Variants in STAT4 observed in about 807,000 individuals in gnomAD.
STAT4 encodes the protein signal transducer and activator of transcription 4.
STAT4 carries 42 observed loss-of-function variants against 110.5 expected under a neutral mutation model. That is an observed-to-expected ratio of 0.38 (90% confidence interval 0.30 to 0.49). The LOEUF is 0.49. STAT4 is among the 20% of genes least tolerant of loss of function. The pLI is 0.95. For synonymous variants in STAT4, 284 were observed against 302.2 expected, an observed-to-expected ratio of 0.94 and a Z score of 0.63; for missense variants, 632 against 887.9, an observed-to-expected ratio of 0.71 and a Z score of 3.66.
intron 17 of STAT4, 109 bp downstream of exon 17, chr2:191,036,055 A>T: frequency 7.5e-7 from 1 of 1,336,062 alleles, no homozygotes; most frequent in Non-Finnish European, 1.0e-6. Context: ...GGCATTGAAT[A>T]AATTATGATT....
chr2:191,128,641 C>T (rs889293682), intron 3 of STAT4, among the ~76,000 whole-genome samples: 17 of 152,102 alleles, frequency 1.1e-4, no homozygotes, highest in Non-Finnish European at 2.5e-4. Flanking sequence ...CCCAAATGAC[C>T]CCTAAGAAAT....
rs1365460340 is a variant in STAT4 at position 191,090,643 on chromosome 2, C to G, written c.274-14318G>C. Among the ~76,000 whole-genome samples the G allele has an allele frequency of 1.3e-5, 2 of 152,144 alleles. No homozygotes were observed. The highest frequency in any genetic ancestry group is 2.9e-5 in the Non-Finnish European group (2 of 68,010). On this transcript the variant is annotated intron_variant, in intron 3 of 23. Transcript: ENST00000392320. The surrounding 1 kb of genome is among the most constrained non-coding windows in gnomAD (Gnocchi z 4.2). ...TGGCGCGATCTCCGCCCACTGCAAC[C>G]TCTGCCTCCTGAGTTCATGCCATTC...
At position 191,033,148 on chromosome 2, in the gene STAT4, C is replaced by A; in HGVS notation, c.1854G>T (p.Gly618=). The change falls in exon 21 of 24, where the codon GGG becomes GGT. Residue 618 remains glycine, a splice_region_variant and synonymous_variant. Transcript: ENST00000392320. The surrounding 1 kb of genome is among the most constrained non-coding windows in gnomAD (Gnocchi z 6.9). ...GTTCTACAGAGTGGAATCTCACTTC[C>A]CCTTGAAAAACAGAAATTGGAGAAA... ...TFTWVDHSES[G]EVRFHSVEPY... 2.5e-6 allele frequency: 4 copies of A among 1,611,620 alleles called. No homozygotes were observed. Among genetic ancestry groups the A allele is most frequent in the Middle Eastern group, 3.3e-4 (2 of 6,032 alleles).
intron 3 of STAT4, among the ~76,000 whole-genome samples, chr2:191,098,430 G>C (rs1243618032): frequency 6.6e-6 from 1 of 152,174 alleles, no homozygotes; most frequent in African/African-American, 2.4e-5. Flanking sequence ...ATACTATGCA[G>C]CCATAAAAAA....
rs1316642911 is a variant in STAT4, at chr2:191,035,432, T to A, written c.1570+732A>T. On this transcript the variant is annotated intron_variant, in intron 17 of 23. Coordinates refer to ENST00000392320, the MANE Select transcript of STAT4 (RefSeq NM_003151.4). The surrounding 1 kb of genome is among the most constrained non-coding windows in gnomAD (Gnocchi z 4.7). ...AAGCTTAAATCACACATGATTCTAC[T>A]TCTGCACAAATGGATCTTTGGCCCT... is the stretch of plus-strand genomic sequence containing the variant. Among the ~76,000 whole-genome samples, 1 of 152,234 alleles carries A rather than the reference T, an allele frequency of 6.6e-6. No homozygotes were observed. The highest frequency in any genetic ancestry group is 2.4e-5 in the African/African-American group (1 of 41,456).
At position 191,116,586 on chromosome 2, in the gene STAT4, T is replaced by C. The variant is rs1212944926; in HGVS notation, c.273+30027A>G. On this transcript the variant is annotated intron_variant, in intron 3 of 23. Transcript: ENST00000392320. The surrounding 1 kb of genome is among the most constrained non-coding windows in gnomAD (Gnocchi z 4.1). ...AAATTTAGACAAAGGTGGCATGCTT[T>C]GGGAACAGTCCATCCCACTTAACTT... 6.6e-6 allele frequency among the ~76,000 whole-genome samples: 1 copy of C among 152,134 alleles called. No individual in the cohort carries two copies. The highest frequency in any genetic ancestry group is 2.4e-5 in the African/African-American group (1 of 41,450).
intron 3 of STAT4, among the ~76,000 whole-genome samples, chr2:191,102,627 C>T (rs774214070): frequency 6.6e-6 from 1 of 152,142 alleles, no homozygotes; most frequent in Admixed American, 6.6e-5. Flanking sequence ...AATCACAATT[C>T]ACAATGAATG....
rs1273258580 is a variant in STAT4, at chr2:191,086,234, C to T, written c.274-9909G>A. 1.3e-5 allele frequency among the ~76,000 whole-genome samples: 2 copies of T among 152,130 alleles called. No individual in the cohort carries two copies. The highest frequency in any genetic ancestry group is 2.9e-5 in the Non-Finnish European group (2 of 68,008). On this transcript the variant is annotated intron_variant, in intron 3 of 23. Transcript: ENST00000392320. This position sits in a 1 kb window ranked among gnomAD's most constrained non-coding sequence, Gnocchi z 5.5. ...CCCTTTGGAAAAACTGGCCTTCTAT[C>T]TTGTCCTTCACAGGGTTCTTGACCT...
Position 191,138,902 on chromosome 2 carries a change from A to C in STAT4, c.273+7711T>G, listed in dbSNP as rs1480666157. Among the ~76,000 whole-genome samples, 3 of 152,194 alleles carry C rather than the reference A, an allele frequency of 2.0e-5. No homozygotes were observed. The highest frequency in any genetic ancestry group is 7.2e-5 in the African/African-American group (3 of 41,450). On this transcript the variant is annotated intron_variant, in intron 3 of 23. Coordinates refer to ENST00000392320, the MANE Select transcript of STAT4 (RefSeq NM_003151.4). The surrounding 1 kb of genome is among the most constrained non-coding windows in gnomAD (Gnocchi z 4.3). ...CAACAGCATATCAAAAAGATAATAC[A>C]TCATGATCAAATGGGTTTATATTAG... is the stretch of plus-strand genomic sequence containing the variant.
rs1002826291 is a variant in STAT4, at chr2:191,077,947, C to T, written c.274-1622G>A. Among the ~76,000 whole-genome samples the T allele has an allele frequency of 3.0e-4, 45 of 152,004 alleles. No individual in the cohort carries two copies. The highest frequency in any genetic ancestry group is 4.1e-4 in the Non-Finnish European group (28 of 67,952). ...GCGGGGATACCATTTTTTCCATTTC[C>T]GTGTGTCGACAATTTCAGATTCTCT... On this transcript the variant is annotated intron_variant, in intron 3 of 23. Coordinates refer to ENST00000392320, the MANE Select transcript of STAT4 (RefSeq NM_003151.4). This position sits in a 1 kb window ranked among gnomAD's most constrained non-coding sequence, Gnocchi z 4.1.
In STAT4 at chr2:191,115,160, A is replaced by G. The variant is rs560980717; in HGVS notation, c.273+31453T>C. Among the ~76,000 whole-genome samples the G allele has an allele frequency of 2.0e-5, 3 of 152,296 alleles. No individual in the cohort carries two copies. The East Asian group carries it at 5.8e-4, about 29-fold the overall frequency. On this transcript the variant is annotated intron_variant, in intron 3 of 23. Transcript: ENST00000392320. Reference sequence around the variant, plus strand: ...ACACTGTGCTGAGTATTGGGAATCCAAAGTTGAAAGAGATAATTCCACCTC... The same window carrying G: ...ACACTGTGCTGAGTATTGGGAATCCGAAGTTGAAAGAGATAATTCCACCTC...
intron 3 of STAT4, among the ~76,000 whole-genome samples, chr2:191,095,548 A>G (rs1289346711): frequency 6.6e-6 from 1 of 152,208 alleles, no homozygotes; most frequent in Non-Finnish European, 1.5e-5. Context: ...AGAAATAAAG[A>G]TGTTCTTTGA....
At position 191,036,397 on chromosome 2, in the gene STAT4, A is replaced by G; in HGVS notation, c.1435-98T>C. On this transcript the variant is annotated intron_variant, in intron 16 of 23. Transcript: ENST00000392320. Reference sequence around the variant, plus strand: ...GAGAGGTCTCCCCCTCTCCCCACACACATACTAGGAGTGTTGGGTGACTAT... The same window carrying G: ...GAGAGGTCTCCCCCTCTCCCCACACGCATACTAGGAGTGTTGGGTGACTAT... 3.2e-6 allele frequency: 4 copies of G among 1,241,430 alleles called. No individual in the cohort carries two copies. The South Asian group carries it at 5.6e-5, about 17-fold the overall frequency. 76.9% of individuals were successfully genotyped at this position (1,241,430 alleles called of 1,614,324 possible).
intron 5 of STAT4, among the ~76,000 whole-genome samples, chr2:191,072,542 AATT>A (rs1334762876): frequency 6.6e-6 from 1 of 152,200 alleles, no homozygotes; most frequent in Non-Finnish European, 1.5e-5. Context: ...ATTTTGATGG[AATT>A]ATTATTTTTA....
chr2:191,106,344 T>C (rs1425947156), intron 3 of STAT4, among the ~76,000 whole-genome samples: 3 of 151,554 alleles, frequency 2.0e-5, no homozygotes, highest in Non-Finnish European at 2.9e-5. Flanking sequence ...TTAAATGTCA[T>C]GGTGTAGTGT....
chr2:191,135,919 A>C lies in STAT4; in HGVS notation c.273+10694T>G, dbSNP rs1022911050. ...AACCAGACAAGGACACAACACAAAG[A>C]GACAACTACAGGCCAATATCCCTGA... On this transcript the variant is annotated intron_variant, in intron 3 of 23. Transcript: ENST00000392320. The surrounding 1 kb of genome is among the most constrained non-coding windows in gnomAD (Gnocchi z 4.8). Among the ~76,000 whole-genome samples the C allele has an allele frequency of 6.6e-6, 1 of 152,054 alleles. No homozygotes were observed. Among genetic ancestry groups the C allele is most frequent in the African/African-American group, 2.4e-5 (1 of 41,390 alleles).
At chr2:191,071,236 C>T (rs535028758) in intron 5 of STAT4, among the ~76,000 whole-genome samples, 8 of 152,134 alleles carry the variant, frequency 5.3e-5, no homozygotes, top group African/African-American at 1.9e-4. Context: ...ATAATACATA[C>T]TCAAGCTAGA....
At chr2:191,141,118 C>CTACA (rs1699310657) in intron 3 of STAT4, among the ~76,000 whole-genome samples, 1 of 151,930 alleles carries the variant, frequency 6.6e-6, no homozygotes, top group African/African-American at 2.4e-5. Flanking sequence ...GGATAAAAGA[C>CTACA]TACATATTGA....
rs770158853 is a variant in STAT4 at position 191,039,764 on chromosome 2, A to T, written c.1336-467T>A. On this transcript the variant is annotated intron_variant, in intron 15 of 23. Transcript: ENST00000392320. The surrounding 1 kb of genome is among the most constrained non-coding windows in gnomAD (Gnocchi z 4.7). ...GGAAGTGGGAGGTTTCTATTGTAAA[A>T]ATAGGAGAGATAAGCTATGGGAGAT... Among the ~76,000 whole-genome samples the T allele has an allele frequency of 4.5e-4, 68 of 152,352 alleles. No individual in the cohort carries two copies. Among genetic ancestry groups the T allele is most frequent in the South Asian group, 6.2e-4 (3 of 4,832 alleles).
Sources: allele counts gnomAD v4.1 joint callset (sites outside exome capture counted in the v4.1 genomes callset), GRCh38; gene constraint gnomAD v4.1.1; non-coding constraint Gnocchi (gnomAD v3.1); transcripts MANE v1.5; gene names NCBI Gene and HGNC (gene_info 2026-07-23, HGNC 2026-07-21).